Variants in GPR176 observed in about 807,000 individuals in gnomAD.
GPR176 encodes G-protein coupled receptor 176.
In GPR176, 26 loss-of-function variants were observed where a neutral mutation model predicts 35.4. That is an observed-to-expected ratio of 0.74 (90% CI 0.54 to 1.02). The LOEUF (loss-of-function observed/expected upper bound fraction) is 1.02. Ranked by LOEUF, GPR176 falls within the 50% of genes least tolerant of loss-of-function variation. GPR176 has a pLI of 0.00. For missense variants in GPR176, 597 were observed against 665.3 expected, an observed-to-expected ratio of 0.90 and a Z score of 1.13; for synonymous variants, 278 against 271.3, an observed-to-expected ratio of 1.02 and a Z score of -0.24.
chr15:39,836,735 G>A (rs1901421342), intron 1 of GPR176, among the ~76,000 whole-genome samples: 1 of 152,062 alleles, frequency 6.6e-6, no homozygotes, highest in African/African-American at 2.4e-5. Flanking sequence ...GAAGGAGAAA[G>A]GGAAAACCCT....
chr15:39,867,932 A>T (rs1259372800), intron 1 of GPR176, among the ~76,000 whole-genome samples: 1 of 152,108 alleles, frequency 6.6e-6, no homozygotes, highest in African/African-American at 2.4e-5. Flanking sequence ...AAGATTTTAC[A>T]TGAGGTTTGA....
At chr15:39,860,987 T>C (rs1016312917) in intron 1 of GPR176, 5 of 152,148 alleles carry the variant, frequency 3.3e-5, no homozygotes, top group African/African-American at 1.2e-4. Context: ...TCTGAGATAG[T>C]ACTGACTGCA....
At chr15:39,892,085 T>C (rs2032893671) in intron 1 of GPR176, among the ~76,000 whole-genome samples, 2 of 152,178 alleles carry the variant, frequency 1.3e-5, no homozygotes, top group Non-Finnish European at 2.9e-5. Context: ...TGAGCACATA[T>C]GTGTTAGCAC....
At chr15:39,868,872 T>C (rs534151426) in intron 1 of GPR176, among the ~76,000 whole-genome samples, 2 of 152,262 alleles carry the variant, frequency 1.3e-5, no homozygotes, top group East Asian at 3.9e-4. Context: ...TTCACCTGAA[T>C]GACCTGTCCG....
chr15:39,827,594 A>C (rs2140822202), intron 1 of GPR176, among the ~76,000 whole-genome samples: 1 of 152,342 alleles, frequency 6.6e-6, no homozygotes, highest in Non-Finnish European at 1.5e-5. Context: ...TGGCCAAAGA[A>C]GGTCCATTCA....
intron 1 of GPR176, among the ~76,000 whole-genome samples, chr15:39,810,963 T>C (rs1400159847): frequency 6.6e-6 from 1 of 152,162 alleles, no homozygotes; most frequent in Non-Finnish European, 1.5e-5. Context: ...CAGTCCAAAA[T>C]GTAACCAAGA....
chr15:39,855,001 T>C (rs959350395), intron 1 of GPR176, among the ~76,000 whole-genome samples: 1 of 150,570 alleles, frequency 6.6e-6, no homozygotes, highest in Middle Eastern at 3.2e-3. Context: ...CAGTCAGCTA[T>C]GATCATGCCC....
chr15:39,824,334 G>A (rs565520210), intron 1 of GPR176, among the ~76,000 whole-genome samples: 2 of 152,280 alleles, frequency 1.3e-5, no homozygotes, highest in East Asian at 3.9e-4. Flanking sequence ...TGCAAACTGA[G>A]TAACAAAGGA....
chr15:39,864,627 G>A (rs1377318232), intron 1 of GPR176, among the ~76,000 whole-genome samples: 1 of 151,990 alleles, frequency 6.6e-6, no homozygotes, highest in African/African-American at 2.4e-5. Flanking sequence ...CTGGACATTG[G>A]TCTAGACAAA....
intron 1 of GPR176, among the ~76,000 whole-genome samples, chr15:39,849,748 C>A (rs957445227): frequency 6.6e-6 from 1 of 152,112 alleles, no homozygotes; most frequent in Non-Finnish European, 1.5e-5. Context: ...ACTTCCTAAA[C>A]GTGATAAACA....
intron 1 of GPR176, among the ~76,000 whole-genome samples, chr15:39,873,806 T>C (rs1055191928): frequency 6.6e-6 from 1 of 152,026 alleles, no homozygotes; most frequent in South Asian, 2.1e-4. Context: ...TCTTATTCTA[T>C]TCTTGTCCCC....
At chr15:39,847,418 A>G (rs2030511084) in intron 1 of GPR176, among the ~76,000 whole-genome samples, 1 of 152,118 alleles carries the variant, frequency 6.6e-6, no homozygotes, top group African/African-American at 2.4e-5. Flanking sequence ...GGTTGAAAGT[A>G]AAAGGATGGA....
At chr15:39,875,466 G>C (rs959475390) in intron 1 of GPR176, among the ~76,000 whole-genome samples, 5 of 152,156 alleles carry the variant, frequency 3.3e-5, no homozygotes, top group Admixed American at 3.3e-4. Flanking sequence ...ACACTTTAAA[G>C]CATTCCTGGA....
At chr15:39,813,727 C>T (rs1178444137) in intron 1 of GPR176, 1 of 152,102 alleles carries the variant, frequency 6.6e-6, no homozygotes, top group African/African-American at 2.4e-5. Flanking sequence ...TTAATAGCTA[C>T]ATAAAGGCAA....
intron 1 of GPR176, among the ~76,000 whole-genome samples, chr15:39,817,078 A>AAAAAAAAAAAAAAAAAAAAAC (rs1899962869): frequency 6.6e-6 from 1 of 151,372 alleles, no homozygotes; most frequent in African/African-American, 2.4e-5. Context: ...CAAAAAAAAA[A>AAAAAAAAAAAAAAAAAAAAAC]AAAAAGCTTT....
intron 1 of GPR176, among the ~76,000 whole-genome samples, chr15:39,819,714 CT>C: frequency 6.6e-6 from 1 of 152,280 alleles, no homozygotes; most frequent in South Asian, 2.1e-4. Flanking sequence ...ATTCTACTCC[CT>C]CTGTCCCAGT....
chr15:39,806,873 A>G, intron 2 of GPR176, 133 bp downstream of exon 2: 1 of 767,318 alleles, frequency 1.3e-6, no homozygotes, highest in Non-Finnish European at 2.0e-6. Flanking sequence ...TTGCACATTT[A>G]TTCCCTTTCT....
chr15:39,841,439 A>C (rs74008937), intron 1 of GPR176, among the ~76,000 whole-genome samples: 2,125 of 152,038 alleles, frequency 0.014, 40 homozygotes, highest in African/African-American at 0.045. Flanking sequence ...GTGGGCCCTA[A>C]TCCAATATGA....
At chr15:39,882,127 C>T (rs1217408663) in intron 1 of GPR176, among the ~76,000 whole-genome samples, 2 of 152,138 alleles carry the variant, frequency 1.3e-5, no homozygotes, top group Admixed American at 1.3e-4. Context: ...GAGACCAAAA[C>T]TACAGAAGCA....
Sources: gnomAD v4.1 joint callset for allele counts (sites outside exome capture counted in the v4.1 genomes callset) on GRCh38, gnomAD v4.1.1 for gene constraint, MANE v1.5 for transcripts, NCBI Gene and HGNC (gene_info 2026-07-23, HGNC 2026-07-21) for gene names.